The following HACL1 variants were observed in gnomAD, a reference collection of about 807,000 sequenced individuals.
HACL1 encodes 1600020H07Rik.
Under a neutral mutation model 74.2 loss-of-function variants are expected in HACL1, and 64 were observed. The ratio of observed to expected loss-of-function variants is 0.86; its 90% CI spans 0.70 to 1.06. The LOEUF (loss-of-function observed/expected upper bound fraction) is 1.06, where lower values mean the gene tolerates loss of function less well. HACL1 is among the 50% of genes least tolerant of loss of function. HACL1 has a pLI of 0.00. For synonymous variants in HACL1, 230 were observed against 238.8 expected (o/e 0.96, Z 0.34); for missense variants, 728 against 719.7 (o/e 1.01, Z -0.13).
At chr3:15,580,163 T>C in intron 8 of HACL1, 118 bp from the exon 9 acceptor site, 1 of 788,372 alleles carries the variant, frequency 1.3e-6, no homozygotes, top group Non-Finnish European at 2.1e-6. Flanking sequence ...GGACTCACTC[T>C]ATCACCCAGG....
At chr3:15,577,611 T>C (rs577593140) in intron 9 of HACL1, among the ~76,000 whole-genome samples, 9 of 152,036 alleles carry the variant, frequency 5.9e-5, no homozygotes, top group South Asian at 2.1e-4. Context: ...GGCAACACGG[T>C]GAAACCTCGT....
intron 14 of HACL1, among the ~76,000 whole-genome samples, chr3:15,566,104 T>C (rs2063430051): frequency 1.3e-5 from 2 of 152,328 alleles, no homozygotes; most frequent in Non-Finnish European, 1.5e-5. Context: ...CCCACTGATA[T>C]AGAGGGACAA....
chr3:15,561,668 T>C (rs539260067), intron 16 of HACL1, among the ~76,000 whole-genome samples: 174 of 152,174 alleles, frequency 1.1e-3, no homozygotes, highest in African/African-American at 4.0e-3. Context: ...TTAACATAGG[T>C]CTCAAGATGA....
chr3:15,571,618 C>A, intron 12 of HACL1, 50 bp downstream of exon 12: 3 of 841,842 alleles, frequency 3.6e-6, no homozygotes, highest in Non-Finnish European at 6.2e-6. Context: ...GCAGAAGTAA[C>A]TGAATCATGA....
chr3:15,566,792 G>A (rs889544877), intron 14 of HACL1, among the ~76,000 whole-genome samples: 52 of 150,352 alleles, frequency 3.5e-4, no homozygotes, highest in African/African-American at 1.2e-3. Flanking sequence ...TAGAAGAGAG[G>A]AGACTGAGGC....
At chr3:15,580,142 T>G (rs2063696200) in intron 8 of HACL1, 97 bp from the exon 9 acceptor site, 5 of 998,440 alleles carry the variant, frequency 5.0e-6, no homozygotes, top group Non-Finnish European at 7.6e-6. Flanking sequence ...CTTATTTATA[T>G]TTTGAGACAG....
At position 15,560,868 on chromosome 3, in the gene HACL1, C is replaced by T; in HGVS notation, c.1734G>A (p.Met578Ile). 1 of 1,603,042 alleles carries T rather than the reference C, an allele frequency of 6.2e-7. No homozygotes were observed. Among genetic ancestry groups the T allele is most frequent in the East Asian group, 2.2e-5 (1 of 44,778 alleles). ...QDFHWLTRSN[M>I] ...GACCACCAACTGGCGTCTTTATTTA[C>T]ATATTAGAGCGGGTCAGCCAATGAA... Residue 578 changes from methionine to isoleucine, a missense_variant, in exon 17 of 17, where the codon ATG (methionine) becomes ATA (isoleucine). Coordinates refer to ENST00000321169, the MANE Select transcript of HACL1 (RefSeq NM_012260.4).
At chr3:15,576,020 G>GCA (rs772450454) in intron 9 of HACL1, among the ~76,000 whole-genome samples, 117,428 of 117,830 alleles carry the variant, frequency 1, 58,533 homozygotes, top group Middle Eastern at 1. Context: ...GCTGGTTGTG[G>GCA]TGGTGCGTGC....
In HACL1 at chr3:15,586,551, C is replaced by G. The variant is rs375052864; in HGVS notation, c.433G>C (p.Glu145Gln). Reference sequence around the variant, plus strand: ...TTTTCAATAACAAAAGGAATAGCTTCTATGCTGCTTGGGCGGGCAGAGAAC... The same window carrying G: ...TTTTCAATAACAAAAGGAATAGCTTGTATGCTGCTTGGGCGGGCAGAGAAC... ...TKFSARPSSI[E>Q]AIPFVIEKAV... The change falls in exon 6 of 17, where the codon GAA (glutamate) becomes CAA (glutamine). Residue 145 changes from glutamate to glutamine, a missense_variant. Physicochemically the swap from Glu to Gln is conservative, Grantham distance 29. Transcript: ENST00000321169. 34 of 1,598,396 alleles carry G rather than the reference C, an allele frequency of 2.1e-5. No individual in the cohort carries two copies. Among genetic ancestry groups the G allele is most frequent in the Non-Finnish European group, 2.8e-5 (33 of 1,166,822 alleles).
At position 15,586,524 on chromosome 3, in the gene HACL1, C is replaced by A. The variant is rs977478774; in HGVS notation, c.459+1G>T. The A allele has an allele frequency of 6.5e-7, 1 of 1,531,550 alleles. No individual in the cohort carries two copies. The highest frequency in any genetic ancestry group is 2.3e-5 in the East Asian group (1 of 44,264). 94.9% of individuals were successfully genotyped at this position (1,531,550 alleles called of 1,614,324 possible). On this transcript the variant is annotated splice_donor_variant, in intron 6 of 16. Coordinates refer to ENST00000321169, the MANE Select transcript of HACL1 (RefSeq NM_012260.4). LOFTEE classifies it high-confidence loss of function. ...GGAGAGCTTGTTATTAAATACTGTA[C>A]CTTTTCAATAACAAAAGGAATAGCT... is the stretch of plus-strand genomic sequence containing the variant.
At chr3:15,591,489 G>A (rs1343089481) in intron 4 of HACL1, 111 bp downstream of exon 4, 1 of 552,296 alleles carries the variant, frequency 1.8e-6, no homozygotes, top group Admixed American at 3.3e-5. Context: ...AAGAATTGAA[G>A]GGGTTTTTTT....
chr3:15,599,987 A>C (rs560725484), intron 2 of HACL1, among the ~76,000 whole-genome samples: 2 of 152,232 alleles, frequency 1.3e-5, no homozygotes, highest in South Asian at 4.1e-4. Context: ...TGTTCTAACA[A>C]AGACAAGTAA....
intron 2 of HACL1, among the ~76,000 whole-genome samples, chr3:15,600,104 TAAAG>T (rs1234681662): frequency 2.6e-5 from 4 of 152,246 alleles, no homozygotes; most frequent in Admixed American, 2.6e-4. Flanking sequence ...TGTCATTCAA[TAAAG>T]AATGTCATTC....
intron 3 of HACL1, among the ~76,000 whole-genome samples, chr3:15,593,782 G>GTTTTTTTTTGT (rs2064002166): frequency 8.1e-6 from 1 of 123,736 alleles, no homozygotes; most frequent in African/African-American, 2.9e-5. Context: ...AATGTTTTGT[G>GTTTTTTTTTGT]TTTTTTTTTT....
At chr3:15,600,938 G>C (rs957405255) in intron 2 of HACL1, 152 bp downstream of exon 2, 1 of 638,470 alleles carries the variant, frequency 1.6e-6, no homozygotes, top group Admixed American at 2.3e-5. Context: ...TGTCAACTTG[G>C]TGTAACAACA....
At chr3:15,591,885 C>A (rs1391030279) in intron 3 of HACL1, among the ~76,000 whole-genome samples, 1 of 149,064 alleles carries the variant, frequency 6.7e-6, no homozygotes, top group African/African-American at 2.5e-5. Context: ...CACACATATA[C>A]GTATATAGTG....
chr3:15,585,637 C>G (rs2063782125), intron 6 of HACL1, among the ~76,000 whole-genome samples: 1 of 152,178 alleles, frequency 6.6e-6, no homozygotes, highest in African/African-American at 2.4e-5. Context: ...AGTTTTTGCA[C>G]TGTAATATGT....
At chr3:15,586,693 T>C (rs2063800998) in intron 5 of HACL1, 91 bp from the exon 6 acceptor site, 1 of 769,320 alleles carries the variant, frequency 1.3e-6, no homozygotes, top group African/African-American at 1.8e-5. Flanking sequence ...TAATTTCTTT[T>C]ATGTTTAGAG....
At chr3:15,581,641 T>C (rs1211986889) in intron 8 of HACL1, among the ~76,000 whole-genome samples, 1 of 152,238 alleles carries the variant, frequency 6.6e-6, no homozygotes, top group Non-Finnish European at 1.5e-5. Flanking sequence ...GCAGCTGTTG[T>C]GTCATCTCTT....
Sources: allele counts gnomAD v4.1 joint callset (sites outside exome capture counted in the v4.1 genomes callset), GRCh38; gene constraint gnomAD v4.1.1; transcripts MANE v1.5; gene names NCBI Gene and HGNC (gene_info 2026-07-23, HGNC 2026-07-21).